Variants in LOXL2 observed in about 807,000 individuals in gnomAD.
LOXL2 encodes lysyl oxidase like 2, also known as lysyl oxidase homolog 2.
A neutral mutation model predicts 93.0 loss-of-function variants in LOXL2; 70 were observed. The ratio of observed to expected loss-of-function variants is 0.75; its 90% confidence interval spans 0.62 to 0.92. LOXL2 has a LOEUF of 0.92. Among genes scored for constraint, LOXL2 ranks in the 40% least tolerant of loss-of-function variants. The pLI, the probability that LOXL2 is intolerant of heterozygous loss-of-function variation, is 0.00. For missense variants in LOXL2, 973 were observed against 1,054.9 expected (o/e 0.92, Z 1.08); for synonymous variants, 438 against 413.2 (o/e 1.06, Z -0.73).
chr8:23,392,572 A>G (rs796280407), intron 1 of LOXL2, among the ~76,000 whole-genome samples: 9 of 152,236 alleles, frequency 5.9e-5, no homozygotes, highest in African/African-American at 2.2e-4. Flanking sequence ...GTCTTACTCC[A>G]TCTCCAGACT....
At chr8:23,360,306 A>G (rs754627384) in intron 2 of LOXL2, 41 bp from the exon 3 acceptor site, 3 of 1,503,442 alleles carry the variant, frequency 2.0e-6, no homozygotes, top group African/African-American at 1.4e-5. Context: ...TGCTGCGTCA[A>G]TGCAGGTCTG....
At chr8:23,327,955 G>A (rs1803608202) in intron 6 of LOXL2, among the ~76,000 whole-genome samples, 1 of 152,164 alleles carries the variant, frequency 6.6e-6, no homozygotes, top group Non-Finnish European at 1.5e-5. Flanking sequence ...GCTCCAGGGA[G>A]GAAAAGTAAG....
chr8:23,307,022 C>T (rs1292714360), intron 10 of LOXL2, among the ~76,000 whole-genome samples: 1 of 152,240 alleles, frequency 6.6e-6, no homozygotes, highest in Non-Finnish European at 1.5e-5. Flanking sequence ...GAGCTCTCTT[C>T]CCCGAGGTAG....
chr8:23,306,786 G>A (rs1367157047), intron 10 of LOXL2, among the ~76,000 whole-genome samples: 1 of 152,272 alleles, frequency 6.6e-6, no homozygotes, highest in Non-Finnish European at 1.5e-5. Flanking sequence ...GGAGCCTGTT[G>A]TGCATCTGTG....
At chr8:23,350,865 A>C (rs76172003) in intron 3 of LOXL2, among the ~76,000 whole-genome samples, 8,215 of 152,226 alleles carry the variant, frequency 0.054, 214 homozygotes, top group Admixed American at 0.082. Flanking sequence ...GCTTTTTTGG[A>C]GAACGGGCAA....
chr8:23,333,243 T>C (rs1803733876), intron 5 of LOXL2, among the ~76,000 whole-genome samples, 158 bp downstream of exon 5: 1 of 152,152 alleles, frequency 6.6e-6, no homozygotes, highest in South Asian at 2.1e-4. Flanking sequence ...GTGGTCCTTC[T>C]CTGCAGAGGG....
chr8:23,333,416 T>C lies in LOXL2; in HGVS notation c.951A>G (p.Lys317=), dbSNP rs911668242. The part of the protein sequence containing the change: ...FSPDGPSRFR[K]AYKPEQPLVR... ...CCGTCCTCACCTCTGGCTTGTACGC[T>C]TTCCGGAATCTTGAGGGTCCGTCAG... Residue 317 remains lysine, a synonymous_variant, in exon 5 of 14, where the codon AAA becomes AAG. Coordinates refer to ENST00000389131, the MANE Select transcript of LOXL2 (RefSeq NM_002318.3). The C allele has an allele frequency of 6.2e-7, 1 of 1,613,826 alleles. No homozygotes were observed. Among genetic ancestry groups the C allele is most frequent in the Non-Finnish European group, 8.5e-7 (1 of 1,180,028 alleles).
intron 1 of LOXL2, among the ~76,000 whole-genome samples, chr8:23,377,840 C>T (rs569325546): frequency 3.3e-4 from 50 of 152,190 alleles, no homozygotes; most frequent in African/African-American, 1.1e-3. Context: ...TGTCTCTGCA[C>T]GTGAGATGGG....
In LOXL2 at chr8:23,302,008, C is replaced by A; in HGVS notation, c.2133+19G>T. 6.2e-7 allele frequency: 1 copy of A among 1,613,788 alleles called. No homozygotes were observed. The highest frequency in any genetic ancestry group is 8.5e-7 in the Non-Finnish European group (1 of 1,179,740). On this transcript the variant is annotated intron_variant, in intron 12 of 13. Coordinates refer to ENST00000389131, the MANE Select transcript of LOXL2 (RefSeq NM_002318.3). ...CCTCCTCCCCCTGCAGGGCTGGAAC[C>A]CCTTCCCACCCACCTCACCTGGAAC...
intron 2 of LOXL2, among the ~76,000 whole-genome samples, chr8:23,360,693 C>T (rs547967104): frequency 1.3e-5 from 2 of 152,218 alleles, no homozygotes; most frequent in South Asian, 2.1e-4. Flanking sequence ...AGAGATACTA[C>T]GAAGCCTGTG....
intron 2 of LOXL2, 46 bp downstream of exon 2, chr8:23,367,951 G>T: frequency 1.3e-6 from 2 of 1,525,538 alleles, no homozygotes; most frequent in East Asian, 2.3e-5. Flanking sequence ...GCCACTCCGG[G>T]CCTTGCCAGG....
chr8:23,302,193 C>T, intron 11 of LOXL2, 30 bp from the exon 12 acceptor site: 1 of 1,610,886 alleles, frequency 6.2e-7, no homozygotes, highest in Non-Finnish European at 8.5e-7. Context: ...GAGCTCATCA[C>T]CAGGGAACCA....
chr8:23,351,541 C>A (rs1804093946), intron 3 of LOXL2, among the ~76,000 whole-genome samples: 1 of 152,224 alleles, frequency 6.6e-6, no homozygotes, highest in Non-Finnish European at 1.5e-5. Flanking sequence ...AAATTATAAG[C>A]CTCCTTATTC....
At chr8:23,355,609 C>CT (rs1347524759) in intron 3 of LOXL2, among the ~76,000 whole-genome samples, 3,382 of 82,240 alleles carry the variant, frequency 0.041, 171 homozygotes, top group African/African-American at 0.14. Context: ...AAGATTTGTT[C>CT]TTTTTTTTTT....
chr8:23,397,647 G>A (rs182525649), intron 1 of LOXL2, among the ~76,000 whole-genome samples: 53 of 152,054 alleles, frequency 3.5e-4, no homozygotes, highest in East Asian at 1.9e-3. Context: ...GTATGGTGGC[G>A]GGCGCCTGTG....
chr8:23,395,332 A>AC (rs1040494516), intron 1 of LOXL2, among the ~76,000 whole-genome samples: 3 of 151,876 alleles, frequency 2.0e-5, no homozygotes, highest in African/African-American at 7.2e-5. Flanking sequence ...AAAAAAAAAA[A>AC]AAACCACATA....
intron 6 of LOXL2, among the ~76,000 whole-genome samples, chr8:23,326,053 C>T (rs1393670702): frequency 6.6e-6 from 1 of 152,216 alleles, no homozygotes; most frequent in African/African-American, 2.4e-5. Flanking sequence ...TTTCATGCCT[C>T]GTGGCTGTGG....
At chr8:23,346,137 T>TAAAAATAAAA (rs1379887259) in intron 3 of LOXL2, among the ~76,000 whole-genome samples, 2 of 75,744 alleles carry the variant, frequency 2.6e-5, no homozygotes, top group Non-Finnish European at 5.0e-5. Context: ...TAAAATAAAA[T>TAAAAATAAAA]AAAATAAATA....
intron 3 of LOXL2, among the ~76,000 whole-genome samples, chr8:23,359,019 T>G (rs191596113): frequency 6.6e-6 from 1 of 152,112 alleles, no homozygotes; most frequent in African/African-American, 2.4e-5. Context: ...TTTTTTTTCT[T>G]TTTTTTGTAT....
Sources: allele counts gnomAD v4.1 joint callset (sites outside exome capture counted in the v4.1 genomes callset), GRCh38; gene constraint gnomAD v4.1.1; transcripts MANE v1.5; gene names NCBI Gene and HGNC (gene_info 2026-07-23, HGNC 2026-07-21).